The following RASA3 variants were observed in gnomAD, a reference collection of about 807,000 sequenced individuals.
The protein encoded by RASA3 is RAS p21 protein activator 3, also known as ras GTPase-activating protein 3.
A neutral mutation model predicts 110.0 loss-of-function variants in RASA3; 73 were observed. The ratio of observed to expected loss-of-function variants is 0.66; its 90% CI spans 0.55 to 0.81. The LOEUF (loss-of-function observed/expected upper bound fraction) is 0.81, where lower values mean the gene tolerates loss of function less well. Among genes scored for constraint, RASA3 ranks in the 30% least tolerant of loss-of-function variants. The pLI is 0.00. For missense variants in RASA3, 976 were observed against 1,113.2 expected (o/e 0.88, Z 1.75); for synonymous variants, 500 against 451.4 (o/e 1.11, Z -1.37).
At chr13:114,013,653 T>C (rs1289392666) in intron 14 of RASA3, among the ~76,000 whole-genome samples, 1 of 146,950 alleles carries the variant, frequency 6.8e-6, no homozygotes, top group Non-Finnish European at 1.5e-5. Context: ...TCTTTGTCTC[T>C]CTCCCTCTTT....
At chr13:114,043,760 CAATGGCCTCT>C (rs2078979618) in intron 3 of RASA3, among the ~76,000 whole-genome samples, 1 of 152,000 alleles carries the variant, frequency 6.6e-6, no homozygotes, top group African/African-American at 2.4e-5. Context: ...GGACTCCCTC[CAATGGCCTCT>C]AATGGCGCAG....
intron 2 of RASA3, among the ~76,000 whole-genome samples, chr13:114,055,176 GTGCA>G (rs1205582764): frequency 6.6e-6 from 1 of 152,230 alleles, no homozygotes; most frequent in Non-Finnish European, 1.5e-5. Context: ...GCATGGGTGT[GTGCA>G]TGCATGTGCC....
chr13:113,984,664 T>G (rs1379786564), intron 22 of RASA3, among the ~76,000 whole-genome samples: 4 of 72,718 alleles, frequency 5.5e-5, no homozygotes, highest in African/African-American at 9.0e-5. Flanking sequence ...TCACCCATCC[T>G]TCCATCCACC....
At chr13:114,042,614 G>A (rs570462752) in intron 3 of RASA3, among the ~76,000 whole-genome samples, 75 of 152,336 alleles carry the variant, frequency 4.9e-4, no homozygotes, top group African/African-American at 1.5e-3. Context: ...TCCCGGGAGC[G>A]GCCTGGGCCT....
chr13:114,109,789 G>A (rs1050289305), intron 1 of RASA3, among the ~76,000 whole-genome samples: 6 of 152,128 alleles, frequency 3.9e-5, no homozygotes, highest in African/African-American at 1.4e-4. Flanking sequence ...CACCAGAGGC[G>A]GGGCTGGCGC....
chr13:114,089,347 G>A (rs1212231729), intron 1 of RASA3, among the ~76,000 whole-genome samples: 1 of 150,962 alleles, frequency 6.6e-6, no homozygotes, highest in East Asian at 2.0e-4. Context: ...AGAGAATGAA[G>A]GTGAGGACCT....
rs889583763 is a variant in RASA3 at position 114,056,290 on chromosome 13, C to T, written c.174-4135G>A. On this transcript the variant is annotated intron_variant, in intron 2 of 23. Transcript: ENST00000334062. This position sits in a 1 kb window ranked among gnomAD's most constrained non-coding sequence, Gnocchi z 5.7. ...ATGTGTGTCTGATGCATATTTGGTG[C>T]GTGTCCGGTGCGTGGTGAGGGGCGG... Among the ~76,000 whole-genome samples, 19 of 152,122 alleles carry T rather than the reference C, an allele frequency of 1.2e-4. No individual in the cohort carries two copies. The highest frequency in any genetic ancestry group is 4.1e-4 in the African/African-American group (17 of 41,414).
At chr13:114,041,820 T>C (rs985635031) in intron 3 of RASA3, among the ~76,000 whole-genome samples, 11 of 152,190 alleles carry the variant, frequency 7.2e-5, no homozygotes, top group Non-Finnish European at 1.6e-4. Flanking sequence ...TAAAGTGTAA[T>C]GAATGAGCCG....
chr13:114,064,385 C>T (rs1345408262), intron 2 of RASA3, among the ~76,000 whole-genome samples: 2 of 152,198 alleles, frequency 1.3e-5, no homozygotes, highest in East Asian at 3.9e-4. Flanking sequence ...GCAGCTTTCC[C>T]CCCTATGCTG....
chr13:114,028,035 G>A (rs377702004), intron 5 of RASA3, 108 bp from the exon 6 acceptor site: 78 of 904,606 alleles, frequency 8.6e-5, no homozygotes, highest in African/African-American at 6.7e-4. Context: ...GTGAGATGAG[G>A]TTTCCTCACC....
intron 3 of RASA3, 130 bp downstream of exon 3, chr13:114,051,922 G>A: frequency 3.1e-6 from 2 of 648,932 alleles, no homozygotes; most frequent in Non-Finnish European, 5.4e-6. Flanking sequence ...GGAACACCCA[G>A]GGCTGCTGTG....
chr13:113,981,052 G>A (rs2052922245), intron 23 of RASA3, among the ~76,000 whole-genome samples: 1 of 152,190 alleles, frequency 6.6e-6, no homozygotes, highest in South Asian at 2.1e-4. Context: ...GATGGAGAGA[G>A]TGACACAGAC....
At position 114,060,059 on chromosome 13, in the gene RASA3, G is replaced by A. The variant is rs147274893; in HGVS notation, c.174-7904C>T. ...GAGACCCGCAGGAGGACAAGGGAAC[G>A]CATGAATGAGGCCATGGACGGCGCG... On this transcript the variant is annotated intron_variant, in intron 2 of 23. Coordinates refer to ENST00000334062, the MANE Select transcript of RASA3 (RefSeq NM_007368.4). Among the ~76,000 whole-genome samples the A allele has an allele frequency of 5.4e-3, 822 of 152,388 alleles. 5 individuals are homozygous for A. Among genetic ancestry groups the A allele is most frequent in the African/African-American group, 0.019 (776 of 41,594 alleles).
Position 114,016,187 on chromosome 13 carries a change from C to T in RASA3, c.1281+10G>A. ...TGACTGGCTTTGGTTGGTTCATGAA[C>T]AAAACCTACCATGTTGTTTTCAAGG... On this transcript the variant is annotated intron_variant, in intron 13 of 23. Transcript: ENST00000334062. 1 of 1,571,810 alleles carries T rather than the reference C, an allele frequency of 6.4e-7. No homozygotes were observed. The highest frequency in any genetic ancestry group is 8.8e-7 in the Non-Finnish European group (1 of 1,141,882).
intron 2 of RASA3, among the ~76,000 whole-genome samples, chr13:114,063,827 C>T (rs543782435): frequency 1.3e-5 from 2 of 152,320 alleles, no homozygotes; most frequent in South Asian, 2.1e-4. Context: ...CCCCAGCATA[C>T]GCCGTCTTAT....
At chr13:114,027,272 CCT>C in intron 7 of RASA3, 115 bp downstream of exon 7, 1 of 929,868 alleles carries the variant, frequency 1.1e-6, no homozygotes. Flanking sequence ...GGGGCTCGCT[CCT>C]CTCCGGAAGG....
chr13:114,054,953 TGTGGGTGTGTGCACGTGTGTGCCC>T (rs2079213673), intron 2 of RASA3, among the ~76,000 whole-genome samples: 1 of 151,244 alleles, frequency 6.6e-6, no homozygotes, highest in African/African-American at 2.4e-5. Flanking sequence ...GGCATGTGTG[TGTGGGTGTGTGCACGTGTGTGCCC>T]ATGGGTGTGT....
Position 114,014,800 on chromosome 13 carries a change from A to G in RASA3, c.1405+409T>C, listed in dbSNP as rs981152562. 6.6e-6 allele frequency among the ~76,000 whole-genome samples: 1 copy of G among 152,110 alleles called. No individual in the cohort carries two copies. The highest frequency in any genetic ancestry group is 1.5e-5 in the Non-Finnish European group (1 of 67,998). On this transcript the variant is annotated intron_variant, in intron 14 of 23. Coordinates refer to ENST00000334062, the MANE Select transcript of RASA3 (RefSeq NM_007368.4). The surrounding 1 kb of genome is among the most constrained non-coding windows in gnomAD (Gnocchi z 4.5). ...TCTGGGCCCTGCCAGGGTCGGCCAC[A>G]AAAAGAAACCACTGGGAAAACCCAG...
At chr13:114,013,403 C>A (rs541649291) in intron 14 of RASA3, among the ~76,000 whole-genome samples, 155 bp from the exon 15 acceptor site, 6 of 42,790 alleles carry the variant, frequency 1.4e-4, no homozygotes, top group Non-Finnish European at 2.2e-4. Flanking sequence ...CTCTGTTTCC[C>A]TCTCTCCCTC....
Sources: gnomAD v4.1 joint callset for allele counts (sites outside exome capture counted in the v4.1 genomes callset) on GRCh38, gnomAD v4.1.1 for gene constraint, Gnocchi (gnomAD v3.1) non-coding constraint, MANE v1.5 for transcripts, NCBI Gene and HGNC (gene_info 2026-07-23, HGNC 2026-07-21) for gene names.